The following MSR1 variants were observed in gnomAD, a reference collection of about 807,000 sequenced individuals.
MSR1 encodes macrophage scavenger receptor types I and II.
Under a neutral mutation model 47.2 loss-of-function variants are expected in MSR1, and 53 were observed. That is an observed-to-expected ratio of 1.12 (90% CI 0.90 to 1.41). The LOEUF (loss-of-function observed/expected upper bound fraction) is 1.41, where lower values mean the gene tolerates loss of function less well. Ranked by LOEUF, MSR1 falls within the 40% of genes most tolerant of loss-of-function variation. The pLI is 0.00. For synonymous variants in MSR1, 239 were observed against 185.6 expected (o/e 1.29, Z -2.34); for missense variants, 786 against 546.9 (o/e 1.44, Z -4.36).
At chr8:16,138,156 TA>T (rs1800437584) in intron 8 of MSR1, among the ~76,000 whole-genome samples, 5 of 152,184 alleles carry the variant, frequency 3.3e-5, no homozygotes, top group Non-Finnish European at 5.9e-5. Context: ...GTTTGAGTTT[TA>T]GATAGGATAC....
At chr8:16,165,110 T>C (rs1801267434) in intron 4 of MSR1, among the ~76,000 whole-genome samples, 1 of 152,072 alleles carries the variant, frequency 6.6e-6, no homozygotes, top group Non-Finnish European at 1.5e-5. Flanking sequence ...TTAAATATAT[T>C]TGTATATTGA....
intron 2 of MSR1, among the ~76,000 whole-genome samples, chr8:16,177,027 A>C (rs1425516634): frequency 6.6e-6 from 1 of 152,174 alleles, no homozygotes; most frequent in Non-Finnish European, 1.5e-5. Context: ...TTTGAGGTTT[A>C]GCAGAATTAT....
At chr8:16,110,891 A>G (rs1448526223) in intron 9 of MSR1, among the ~76,000 whole-genome samples, 4 of 152,186 alleles carry the variant, frequency 2.6e-5, no homozygotes, top group Admixed American at 2.0e-4. Context: ...GATCAATTGT[A>G]AGAGTGTTAA....
intron 5 of MSR1, 57 bp from the exon 6 acceptor site, chr8:16,155,201 G>A: frequency 1.5e-6 from 2 of 1,299,764 alleles, no homozygotes; most frequent in Non-Finnish European, 2.2e-6. Flanking sequence ...AAATGGGTTA[G>A]TCATCTGTCA....
intron 1 of MSR1, among the ~76,000 whole-genome samples, chr8:16,185,791 T>A (rs755840693): frequency 5.9e-5 from 9 of 151,486 alleles, no homozygotes; most frequent in South Asian, 4.2e-4. Context: ...AAACACAGCA[T>A]TTTAACAAAG....
rs376646122 is a variant in MSR1 at position 16,144,840 on chromosome 8, T to A, written c.980-1229A>T. 1.6e-4 allele frequency among the ~76,000 whole-genome samples: 25 copies of A among 152,196 alleles called. No individual in the cohort carries two copies. In the East Asian group the frequency reaches 3.1e-3, roughly 19 times the overall value. On this transcript the variant is annotated intron_variant, in intron 7 of 9. Coordinates refer to ENST00000262101, the MANE Select transcript of MSR1 (RefSeq NM_138715.3). ...TATTCTCAGAGAATGAGAGAAAAACTTTTTCATCGCAGTTCATTTTATATG... is the reference window on the plus strand; with the variant it reads ...TATTCTCAGAGAATGAGAGAAAAACATTTTCATCGCAGTTCATTTTATATG...
chr8:16,175,298 G>A lies in MSR1; in HGVS notation c.106C>T (p.Pro36Ser). ...RSMTALLPPN[P>S]KNSPSLQEKL... The stretch of plus-strand genomic sequence containing the variant: ...TCTTGAAGGGAAGGGCTGTTTTTAG[G>A]ATCTAATAAAACAAAAAAGCCCAGC... The change falls in exon 3 of 10, where the codon CCT becomes TCT. Residue 36 changes from proline (P) to serine (S), a missense_variant and splice_region_variant. By Grantham distance (74) the Pro-to-Ser change is moderately conservative (BLOSUM62 -1). Transcript: ENST00000262101. The A allele has an allele frequency of 6.2e-7, 1 of 1,612,968 alleles. No homozygotes were observed. The highest frequency in any genetic ancestry group is 8.5e-7 in the Non-Finnish European group (1 of 1,179,060).
intron 8 of MSR1, among the ~76,000 whole-genome samples, chr8:16,125,325 G>T (rs1446301548): frequency 1.3e-5 from 2 of 152,138 alleles, no homozygotes; most frequent in African/African-American, 4.8e-5. Context: ...CACAGTGAGT[G>T]AACTCTTAGT....
intron 1 of MSR1, among the ~76,000 whole-genome samples, chr8:16,180,468 A>G (rs1801796001): frequency 6.6e-6 from 1 of 152,214 alleles, no homozygotes; most frequent in Non-Finnish European, 1.5e-5. Flanking sequence ...CCACATTTTA[A>G]GAACCTTTTC....
intron 6 of MSR1, among the ~76,000 whole-genome samples, chr8:16,152,682 A>G (rs1800893491): frequency 6.6e-6 from 1 of 152,104 alleles, no homozygotes; most frequent in South Asian, 2.1e-4. Context: ...AGTTTCCTTT[A>G]GAAAAGAAAG....
At chr8:16,164,877 G>A (rs1006192317) in intron 4 of MSR1, among the ~76,000 whole-genome samples, 1 of 151,896 alleles carries the variant, frequency 6.6e-6, no homozygotes, top group South Asian at 2.1e-4. Context: ...ATACTTAAGA[G>A]TGTGAAAAAG....
At chr8:16,173,456 T>G (rs1801547234) in intron 3 of MSR1, among the ~76,000 whole-genome samples, 1 of 152,204 alleles carries the variant, frequency 6.6e-6, no homozygotes, top group Non-Finnish European at 1.5e-5. Flanking sequence ...AGCATAGACA[T>G]AAACAAACAT....
chr8:16,189,061 C>A (rs1018183629), intron 1 of MSR1, among the ~76,000 whole-genome samples: 1 of 139,336 alleles, frequency 7.2e-6, no homozygotes, highest in African/African-American at 2.6e-5. Context: ...TATATAAAAC[C>A]TTATTTTACA....
intron 7 of MSR1, among the ~76,000 whole-genome samples, chr8:16,146,265 T>A (rs953435121): frequency 2.0e-5 from 3 of 152,008 alleles, no homozygotes; most frequent in Admixed American, 2.0e-4. Flanking sequence ...AACCACTCAT[T>A]AACCTTACAC....
intron 7 of MSR1, among the ~76,000 whole-genome samples, chr8:16,146,115 A>G (rs1277153353): frequency 1.3e-5 from 2 of 152,052 alleles, no homozygotes; most frequent in Non-Finnish European, 2.9e-5. Context: ...TTCTGCTTAC[A>G]TGCCTTAATT....
chr8:16,150,191 T>C, intron 7 of MSR1, 40 bp downstream of exon 7: 1 of 784,150 alleles, frequency 1.3e-6, no homozygotes, highest in Middle Eastern at 2.8e-4. Flanking sequence ...TGGTGTTTCT[T>C]CTACATATTC....
intron 8 of MSR1, among the ~76,000 whole-genome samples, chr8:16,137,874 C>T (rs1800429924): frequency 6.6e-6 from 1 of 151,666 alleles, no homozygotes; most frequent in African/African-American, 2.4e-5. Context: ...TGCCTAAAGT[C>T]CTAGCTACTC....
intron 1 of MSR1, among the ~76,000 whole-genome samples, chr8:16,185,683 A>G (rs1801974971): frequency 6.6e-6 from 1 of 152,052 alleles, no homozygotes; most frequent in African/African-American, 2.4e-5. Context: ...GCTTATTTTT[A>G]TCTACTCCAG....
In MSR1 at chr8:16,109,863, T is replaced by A; in HGVS notation, c.*222A>T. The A allele has an allele frequency of 5.2e-6, 3 of 581,386 alleles. No homozygotes were observed. In the South Asian group the frequency reaches 6.5e-5, roughly 13 times the overall value. The allele number at this position is 581,386 out of a possible 1,614,324, so 36.0% of individuals were successfully genotyped here. ...TCAATTCAGCATATAAGTCATTATA[T>A]TAGAAAATTCCATTTAAAAACCTAT... On this transcript the variant is annotated 3_prime_UTR_variant, in exon 10 of 10. Transcript: ENST00000262101.
Sources: allele counts gnomAD v4.1 joint callset (sites outside exome capture counted in the v4.1 genomes callset), GRCh38; gene constraint gnomAD v4.1.1; transcripts MANE v1.5; gene names NCBI Gene and HGNC (gene_info 2026-07-23, HGNC 2026-07-21).